TDRD12: variants seen among roughly 807,000 people sequenced by gnomAD.
TDRD12 encodes the protein tudor domain containing 12.
In TDRD12, 158 loss-of-function variants were observed where a neutral mutation model predicts 133.5. That is an observed-to-expected ratio of 1.18 (90% CI 1.04 to 1.35). TDRD12 has a LOEUF of 1.35. TDRD12 is among the 40% of genes most tolerant of loss of function. TDRD12 has a pLI of 0.00. For synonymous variants in TDRD12, 460 were observed against 477.9 expected (o/e 0.96, Z 0.49); for missense variants, 1,443 against 1,321.3 (o/e 1.09, Z -1.43).
intron 11 of TDRD12, among the ~76,000 whole-genome samples, chr19:32,790,280 C>T (rs886834722): frequency 3.9e-5 from 6 of 152,190 alleles, no homozygotes; most frequent in African/African-American, 9.7e-5. Context: ...TAGTAAAGTA[C>T]ACTAGTGATT....
chr19:32,763,746 C>T (rs927829172), intron 8 of TDRD12, among the ~76,000 whole-genome samples: 5 of 152,170 alleles, frequency 3.3e-5, no homozygotes, highest in African/African-American at 1.2e-4. Flanking sequence ...CGGAGGTGTC[C>T]GTGCCGACCC....
intron 11 of TDRD12, among the ~76,000 whole-genome samples, chr19:32,786,788 T>A (rs865826398): frequency 6.6e-6 from 1 of 152,192 alleles, no homozygotes; most frequent in Non-Finnish European, 1.5e-5. Flanking sequence ...TCATTTAAGC[T>A]CTTCTCTACA....
At chr19:32,724,438 T>C (rs1209803285) in intron 1 of TDRD12, among the ~76,000 whole-genome samples, 1 of 152,168 alleles carries the variant, frequency 6.6e-6, no homozygotes, top group Non-Finnish European at 1.5e-5. Context: ...TGTGTTCTCA[T>C]TGTTCAGCTC....
At chr19:32,790,989 C>T (rs1246181381) in exon 13 of TDRD12, 14 of 1,535,860 alleles carry the variant, frequency 9.1e-6, no homozygotes, top group Admixed American at 2.0e-5. Flanking sequence ...GGCCTGCAGC[C>T]GCCCGTGGTA....
exon 4 of TDRD12, chr19:32,742,797 G>A: frequency 6.4e-7 from 1 of 1,551,714 alleles, no homozygotes; most frequent in Non-Finnish European, 8.7e-7. Context: ...AGTTGTAGTA[G>A]AATCGTTTAT....
intron 1 of TDRD12, among the ~76,000 whole-genome samples, chr19:32,728,368 A>T (rs1352100934): frequency 6.6e-6 from 1 of 152,180 alleles, no homozygotes; most frequent in Non-Finnish European, 1.5e-5. Flanking sequence ...CATCTTAATG[A>T]TATTAAATCT....
At chr19:32,802,656 C>A in exon 20 of TDRD12, 2 of 1,535,880 alleles carry the variant, frequency 1.3e-6, no homozygotes, top group Non-Finnish European at 1.7e-6. Flanking sequence ...CTCTCTGCAG[C>A]CCTCACAGAC....
intron 8 of TDRD12, among the ~76,000 whole-genome samples, chr19:32,757,963 G>A (rs1261183201): frequency 6.6e-6 from 1 of 152,290 alleles, no homozygotes; most frequent in East Asian, 1.9e-4. Flanking sequence ...GATACAAAGG[G>A]TTTTTCTCAG....
downstream of TDRD12, among the ~76,000 whole-genome samples, chr19:32,823,287 G>A (rs1967467105): frequency 6.6e-6 from 1 of 152,176 alleles, no homozygotes; most frequent in African/African-American, 2.4e-5. Context: ...AGGCAGCCTT[G>A]CCCACTGCCT....
chr19:32,728,530 C>G lies in TDRD12; in HGVS notation c.25-3195C>G, dbSNP rs76049243. Among the ~76,000 whole-genome samples the G allele has an allele frequency of 8.6e-3, 1,304 of 151,930 alleles. 41 individuals are homozygous for G. In the East Asian group the frequency reaches 0.1, roughly 12 times the overall value. On this transcript the variant is annotated intron_variant, in intron 1 of 27. Coordinates refer to ENST00000444215, the Ensembl canonical transcript of TDRD12. ...CAATTGTGTTCTTTATGAATAAAGA[C>G]AATTTTATTTATTCCTTTCTAATCT... is the stretch of plus-strand genomic sequence containing the variant.
chr19:32,761,022 T>A (rs1970134201), intron 8 of TDRD12, among the ~76,000 whole-genome samples: 2 of 152,232 alleles, frequency 1.3e-5, no homozygotes, highest in Admixed American at 6.5e-5. Context: ...TATATTGTGA[T>A]CATATAACTC....
intron 18 of TDRD12, among the ~76,000 whole-genome samples, chr19:32,801,278 A>G (rs377664014): frequency 6.6e-6 from 1 of 152,202 alleles, no homozygotes; most frequent in African/African-American, 2.4e-5. Flanking sequence ...CAAAAAATCA[A>G]ATAAATTGGC....
At chr19:32,794,532 AT>A in intron 13 of TDRD12, 95 bp from the exon 14 acceptor site, 1 of 626,142 alleles carries the variant, frequency 1.6e-6, no homozygotes. Context: ...GGGTTTGGCA[AT>A]GTGTAGTGCT....
At chr19:32,826,231 TTTC>T (rs542693314), downstream of TDRD12, 870 of 1,484,718 alleles carry the variant, frequency 5.9e-4, no homozygotes, top group Non-Finnish European at 7.0e-4. Context: ...TGCGCAGGTC[TTTC>T]TTCTTCTAGC....
At chr19:32,765,147 A>C (rs1224429660) in intron 8 of TDRD12, among the ~76,000 whole-genome samples, 1 of 152,254 alleles carries the variant, frequency 6.6e-6, no homozygotes, top group Non-Finnish European at 1.5e-5. Flanking sequence ...AATGCTCATC[A>C]TTGCTGGCCA....
intron 1 of TDRD12, among the ~76,000 whole-genome samples, chr19:32,721,854 G>T (rs575897075): frequency 8.6e-4 from 129 of 150,542 alleles, no homozygotes; most frequent in Middle Eastern, 6.9e-3. Context: ...ACTACAGGCG[G>T]CCACCACCAC....
chr19:32,727,989 G>A (rs545668448), intron 1 of TDRD12, among the ~76,000 whole-genome samples: 2 of 152,260 alleles, frequency 1.3e-5, no homozygotes, highest in South Asian at 4.1e-4. Flanking sequence ...TCTTTTGCAT[G>A]TGAATATCCA....
intron 8 of TDRD12, among the ~76,000 whole-genome samples, chr19:32,765,693 A>G (rs935227459): frequency 1.3e-5 from 2 of 150,438 alleles, no homozygotes. Context: ...AACAATGGGA[A>G]CACTTGGACA....
At chr19:32,827,376 T>A in exon 10 of TDRD12, 1 of 337,174 alleles carries the variant, frequency 3.0e-6, no homozygotes, top group Non-Finnish European at 4.2e-6. Context: ...TCTTTTCTTT[T>A]TTTTTTTTTT....
Sources: gnomAD v4.1 joint callset for allele counts (sites outside exome capture counted in the v4.1 genomes callset) on GRCh38, gnomAD v4.1.1 for gene constraint, MANE v1.5 for transcripts, NCBI Gene and HGNC (gene_info 2026-07-23, HGNC 2026-07-21) for gene names.